MACROD2: variants seen among roughly 807,000 people sequenced by gnomAD.
MACROD2 encodes ADP-ribose glycohydrolase MACROD2.
A neutral mutation model predicts 70.4 loss-of-function variants in MACROD2; 36 were observed. The ratio of observed to expected loss-of-function variants is 0.51; its 90% CI spans 0.39 to 0.68. The LOEUF is 0.68. Among genes scored for constraint, MACROD2 ranks in the 30% least tolerant of loss-of-function variants. The pLI is 0.00. For missense variants in MACROD2, 496 were observed against 538.4 expected (o/e 0.92, Z 0.78); for synonymous variants, 172 against 178.8 (o/e 0.96, Z 0.30).
At chr20:14,858,652 T>C (rs975970991) in intron 5 of MACROD2, among the ~76,000 whole-genome samples, 11 of 152,270 alleles carry the variant, frequency 7.2e-5, no homozygotes, top group African/African-American at 2.6e-4. Context: ...TTTAGTGCAC[T>C]GATGCATCCA....
At chr20:15,353,614 G>A (rs2078252946) in intron 6 of MACROD2, among the ~76,000 whole-genome samples, 1 of 151,224 alleles carries the variant, frequency 6.6e-6, no homozygotes, top group Non-Finnish European at 1.5e-5. Flanking sequence ...TCTGACAAAG[G>A]GCTAATATCC....
chr20:15,341,113 G>A (rs372434306), intron 6 of MACROD2, among the ~76,000 whole-genome samples: 25 of 152,122 alleles, frequency 1.6e-4, no homozygotes, highest in African/African-American at 4.1e-4. Context: ...ACACCACACC[G>A]GACCCATTTC....
intron 8 of MACROD2, among the ~76,000 whole-genome samples, chr20:15,627,228 CAA>C (rs33936061): frequency 0.13 from 12,117 of 93,942 alleles, 571 homozygotes; most frequent in African/African-American, 0.18. Context: ...AAAAGATTAC[CAA>C]AAAAAAAAAA....
intron 15 of MACROD2, among the ~76,000 whole-genome samples, chr20:16,034,120 T>C (rs997697993): frequency 2.0e-5 from 3 of 152,076 alleles, no homozygotes; most frequent in Non-Finnish European, 4.4e-5. Flanking sequence ...TACAGCTATG[T>C]GAATGAATAA....
chr20:14,705,171 G>A (rs1568749133), intron 5 of MACROD2, among the ~76,000 whole-genome samples: 1 of 151,820 alleles, frequency 6.6e-6, no homozygotes, highest in Non-Finnish European at 1.5e-5. Flanking sequence ...TCCTCCTCAT[G>A]TTGTACATTA....
intron 8 of MACROD2, among the ~76,000 whole-genome samples, chr20:15,737,424 A>G (rs1053804349): frequency 7.9e-5 from 12 of 152,338 alleles, no homozygotes; most frequent in Non-Finnish European, 1.6e-4. Context: ...AACAATAAGT[A>G]CTTACTGAGA....
intron 8 of MACROD2, among the ~76,000 whole-genome samples, chr20:15,757,558 A>G (rs975317247): frequency 1.3e-5 from 2 of 152,318 alleles, no homozygotes; most frequent in South Asian, 2.1e-4. Flanking sequence ...TCTACCATCT[A>G]CTGTAGAAAA....
chr20:15,102,660 T>C (rs777456306), intron 5 of MACROD2, among the ~76,000 whole-genome samples: 7 of 152,074 alleles, frequency 4.6e-5, no homozygotes, highest in African/African-American at 7.2e-5. Context: ...ACATGTACAT[T>C]TATTTTAAAA....
In MACROD2 at chr20:15,001,521, A is replaced by G. The variant is rs114934602; in HGVS notation, c.419-228419A>G. Among the ~76,000 whole-genome samples the G allele has an allele frequency of 6.2e-3, 949 of 152,228 alleles. 5 individuals are homozygous for G. Among genetic ancestry groups the G allele is most frequent in the African/African-American group, 0.021 (869 of 41,534 alleles). The stretch of plus-strand genomic sequence containing the variant: ...TAACTGTTGCATTTAAAATGTATTT[A>G]TAACATATTATTATTATTATTTTGT... On this transcript the variant is annotated intron_variant, in intron 5 of 17. Transcript: ENST00000684519.
chr20:14,009,032 G>A (rs1036169086), intron 2 of MACROD2, among the ~76,000 whole-genome samples: 2 of 152,126 alleles, frequency 1.3e-5, no homozygotes, highest in Non-Finnish European at 2.9e-5. Flanking sequence ...GACAACATAC[G>A]CAGTACCATT....
At chr20:15,183,565 T>A (rs181694579) in intron 5 of MACROD2, among the ~76,000 whole-genome samples, 111 of 152,200 alleles carry the variant, frequency 7.3e-4, no homozygotes, top group Non-Finnish European at 1.2e-3. Flanking sequence ...GATTATCCTT[T>A]CCCCATGCCC....
intron 4 of MACROD2, among the ~76,000 whole-genome samples, chr20:14,596,863 T>A (rs1192904402): frequency 2.0e-5 from 3 of 152,214 alleles, no homozygotes; most frequent in African/African-American, 7.2e-5. Flanking sequence ...ATGGGGTTTG[T>A]AATCTGTAAA....
rs186135274 is a variant in MACROD2 at position 14,406,268 on chromosome 20, C to A, written c.272-87211C>A. Among the ~76,000 whole-genome samples the A allele has an allele frequency of 3.1e-3, 477 of 152,188 alleles. 2 individuals are homozygous for A. Among genetic ancestry groups the A allele is most frequent in the Non-Finnish European group, 3.8e-3 (256 of 67,956 alleles). On this transcript the variant is annotated intron_variant, in intron 3 of 17. Coordinates refer to ENST00000684519, the MANE Select transcript of MACROD2 (RefSeq NM_001351661.2). The stretch of plus-strand genomic sequence containing the variant: ...ATAGCAGTAAAAGTTCTGTAGGTTT[C>A]TTTTTGAAGTATGCACTACTTAAAA...
intron 6 of MACROD2, among the ~76,000 whole-genome samples, chr20:15,322,679 A>G (rs922682468): frequency 2.8e-5 from 4 of 144,394 alleles, no homozygotes; most frequent in African/African-American, 5.0e-5. Context: ...GGTTTTATAC[A>G]TATTTGTAGA....
intron 5 of MACROD2, among the ~76,000 whole-genome samples, chr20:14,966,771 AC>A (rs1199757210): frequency 6.6e-6 from 1 of 151,706 alleles, no homozygotes; most frequent in East Asian, 1.9e-4. Context: ...TGTTGCATAT[AC>A]AAACAATTCA....
At chr20:15,223,644 G>A (rs954777175) in intron 5 of MACROD2, among the ~76,000 whole-genome samples, 6 of 152,118 alleles carry the variant, frequency 3.9e-5, no homozygotes, top group African/African-American at 1.4e-4. Context: ...CTCCATACTG[G>A]TAAAGTTTTA....
chr20:15,865,532 G>C (rs547625311), intron 9 of MACROD2, among the ~76,000 whole-genome samples: 22 of 152,226 alleles, frequency 1.4e-4, no homozygotes, highest in African/African-American at 5.3e-4. Flanking sequence ...CTGTGCTGTG[G>C]TTCCATTGTT....
In MACROD2 at chr20:15,018,731, G is replaced by C. The variant is rs192607937; in HGVS notation, c.419-211209G>C. Among the ~76,000 whole-genome samples the C allele has an allele frequency of 3.7e-3, 566 of 152,194 alleles. 5 individuals carry two copies. The highest frequency in any genetic ancestry group is 6.6e-3 in the Admixed American group (101 of 15,278). On this transcript the variant is annotated intron_variant, in intron 5 of 17. Transcript: ENST00000684519. ...TATATTCGCTGGAAGCTGATTAGAT[G>C]GTGCACACCAGATTAAGGGTGGATC...
At position 14,768,127 on chromosome 20, in the gene MACROD2, G is replaced by T. The variant is rs549535421; in HGVS notation, c.418+83168G>T. ...TGTGCATGTGTCTTTATAGCAGCAT[G>T]ATTTATAATCCTTTGTGTATATACC... On this transcript the variant is annotated intron_variant, in intron 5 of 17. Coordinates refer to ENST00000684519, the MANE Select transcript of MACROD2 (RefSeq NM_001351661.2). 3.5e-4 allele frequency among the ~76,000 whole-genome samples: 54 copies of T among 152,202 alleles called. 1 individual carries two copies. The highest frequency in any genetic ancestry group is 7.8e-4 in the Admixed American group (12 of 15,294).
Sources: allele counts gnomAD v4.1 joint callset (sites outside exome capture counted in the v4.1 genomes callset), GRCh38; gene constraint gnomAD v4.1.1; transcripts MANE v1.5; gene names NCBI Gene and HGNC (gene_info 2026-07-23, HGNC 2026-07-21).